The following AGMO variants were observed in gnomAD, a reference collection of about 807,000 sequenced individuals.
AGMO encodes alkylglycerol monooxygenase, also known as glyceryl-ether monooxygenase.
Under a neutral mutation model 60.2 loss-of-function variants are expected in AGMO, and 75 were observed. That is an observed-to-expected ratio of 1.25 (90% CI 1.03 to 1.51). The LOEUF (loss-of-function observed/expected upper bound fraction) is 1.51. AGMO is among the 40% of genes most tolerant of loss of function. AGMO has a pLI of 0.00. For missense variants in AGMO, 763 were observed against 525.5 expected, an observed-to-expected ratio of 1.45 and a Z score of -4.42; for synonymous variants, 261 against 177.1, an observed-to-expected ratio of 1.47 and a Z score of -3.76.
intron 1 of AGMO, among the ~76,000 whole-genome samples, chr7:15,561,462 A>G (rs1475130724): frequency 6.6e-6 from 1 of 152,222 alleles, no homozygotes; most frequent in Non-Finnish European, 1.5e-5. Flanking sequence ...GGAGTCCAGG[A>G]AAACTTTAAA....
the AGMO span, among the ~76,000 whole-genome samples, chr7:15,184,342 G>GA: frequency 2.5e-5 from 2 of 80,042 alleles, no homozygotes; most frequent in Non-Finnish European, 4.7e-5. Flanking sequence ...AGGAAGGAAG[G>GA]AAAGAAGGGA....
At chr7:15,117,979 G>A in the AGMO span, among the ~76,000 whole-genome samples, 2 of 151,888 alleles carry the variant, frequency 1.3e-5, no homozygotes, top group Non-Finnish European at 2.9e-5. Context: ...CAATGGCATT[G>A]ATTACAGACA....
chr7:15,320,554 C>A (rs1400758506), intron 12 of AGMO, among the ~76,000 whole-genome samples: 1 of 152,048 alleles, frequency 6.6e-6, no homozygotes, highest in Non-Finnish European at 1.5e-5. Flanking sequence ...CACATGGCAT[C>A]TTCATAATTG....
intron 3 of AGMO, among the ~76,000 whole-genome samples, chr7:15,446,243 T>C (rs774984147): frequency 6.6e-6 from 1 of 152,236 alleles, no homozygotes; most frequent in Non-Finnish European, 1.5e-5. Flanking sequence ...AATCTATTCA[T>C]AGATAACAAG....
intron 12 of AGMO, among the ~76,000 whole-genome samples, chr7:15,241,441 A>C (rs937235156): frequency 8.5e-5 from 12 of 140,570 alleles, no homozygotes; most frequent in African/African-American, 3.2e-4. Flanking sequence ...GCTTGGGCGA[A>C]AGAGTGAGAC....
chr7:15,151,921 T>C, the AGMO span, among the ~76,000 whole-genome samples: 35 of 152,164 alleles, frequency 2.3e-4, no homozygotes, highest in African/African-American at 8.4e-4. Context: ...CTGTGATTCT[T>C]TCTTCAGGTT....
In AGMO at chr7:15,416,028, T is replaced by TTTTC. The variant is rs201410274; in HGVS notation, c.609+2529_609+2530insGAAA. On this transcript the variant is annotated intron_variant, in intron 5 of 12. Coordinates refer to ENST00000342526, the MANE Select transcript of AGMO (RefSeq NM_001004320.2). ...TGTTTGTTTTTCTTTTCTTTTTTTCTTTTTTTTTTTTTTTTTGGAGGTGGG... is the reference window on the plus strand; with the variant it reads ...TGTTTGTTTTTCTTTTCTTTTTTTCTTTTCTTTTTTTTTTTTTTTTGGAGGTGGG... Among the ~76,000 whole-genome samples the TTTTC allele has an allele frequency of 1.1e-4, 14 of 131,192 alleles. 2 individuals carry two copies. The highest frequency in any genetic ancestry group is 7.0e-4 in the South Asian group (3 of 4,302). 86.1% of individuals were successfully genotyped at this position (131,192 alleles called of 152,430 possible).
chr7:15,561,918 G>A lies in AGMO; in HGVS notation c.-73C>T. ...CTTGAAGCCTGAGGCTGAACAAAGA[G>A]GACGAGATGTGCAGCTCAGAACAAG... On this transcript the variant is annotated 5_prime_UTR_variant, in exon 1 of 13. Coordinates refer to ENST00000342526, the MANE Select transcript of AGMO (RefSeq NM_001004320.2). 4.7e-6 allele frequency: 7 copies of A among 1,480,936 alleles called. No homozygotes were observed. The highest frequency in any genetic ancestry group is 2.3e-5 in the East Asian group (1 of 42,854). 91.7% of individuals were successfully genotyped at this position (1,480,936 alleles called of 1,614,324 possible).
chr7:15,180,778 T>G, the AGMO span, among the ~76,000 whole-genome samples: 1 of 152,200 alleles, frequency 6.6e-6, no homozygotes, highest in Non-Finnish European at 1.5e-5. Context: ...TCTGTTTTAG[T>G]TCATTTTCTG....
chr7:15,219,286 T>C (rs1287757897), intron 12 of AGMO, among the ~76,000 whole-genome samples: 1 of 152,202 alleles, frequency 6.6e-6, no homozygotes, highest in Admixed American at 6.5e-5. Flanking sequence ...ACATCTAATA[T>C]AATCTAGACA....
intron 12 of AGMO, among the ~76,000 whole-genome samples, chr7:15,274,464 A>G (rs958708512): frequency 2.0e-5 from 3 of 152,174 alleles, no homozygotes; most frequent in Non-Finnish European, 4.4e-5. Flanking sequence ...CCCAGGGTGA[A>G]GCCCACTTGA....
chr7:15,322,715 A>T (rs111941306), intron 12 of AGMO, among the ~76,000 whole-genome samples: 4 of 47,434 alleles, frequency 8.4e-5, no homozygotes, highest in Non-Finnish European at 1.0e-4. Flanking sequence ...AATATATATA[A>T]ATATATAAAT....
At chr7:15,225,395 G>T (rs904699746) in intron 12 of AGMO, among the ~76,000 whole-genome samples, 1 of 151,738 alleles carries the variant, frequency 6.6e-6, no homozygotes. Context: ...CTATGTCAAA[G>T]ATTACAAATG....
At position 15,505,545 on chromosome 7, in the gene AGMO, G is replaced by A. The variant is rs73679639; in HGVS notation, c.409+39227C>T. ...GTCTGTGTCACTCTCCCTTCGATTCGTTTCCTATTATTAAAATAAACAAAA... is the reference window on the plus strand; with the variant it reads ...GTCTGTGTCACTCTCCCTTCGATTCATTTCCTATTATTAAAATAAACAAAA... On this transcript the variant is annotated intron_variant, in intron 3 of 12. Transcript: ENST00000342526. Among the ~76,000 whole-genome samples, 472 of 151,834 alleles carry A rather than the reference G, an allele frequency of 3.1e-3. 6 individuals carry two copies. Among genetic ancestry groups the A allele is most frequent in the African/African-American group, 0.011 (447 of 41,440 alleles).
intron 12 of AGMO, among the ~76,000 whole-genome samples, chr7:15,286,312 A>G (rs918208507): frequency 2.3e-4 from 35 of 152,160 alleles, no homozygotes; most frequent in Admixed American, 2.6e-4. Context: ...AAGTATTTGC[A>G]AACTATGCAT....
chr7:15,227,422 A>T (rs1782118725), intron 12 of AGMO, among the ~76,000 whole-genome samples: 1 of 151,998 alleles, frequency 6.6e-6, no homozygotes, highest in Non-Finnish European at 1.5e-5. Context: ...TAAACAAACA[A>T]ATATATCAAC....
intron 3 of AGMO, among the ~76,000 whole-genome samples, chr7:15,488,510 T>C (rs528790756): frequency 6.6e-6 from 1 of 152,298 alleles, no homozygotes; most frequent in South Asian, 2.1e-4. Flanking sequence ...TGGCATTGTC[T>C]AGTTAATTAT....
intron 3 of AGMO, among the ~76,000 whole-genome samples, chr7:15,497,507 G>C (rs1016967946): frequency 2.0e-5 from 3 of 151,878 alleles, no homozygotes; most frequent in Non-Finnish European, 4.4e-5. Context: ...CTCCACACTG[G>C]CTTTGAGAAG....
chr7:15,505,893 T>A (rs1783501303), intron 3 of AGMO, among the ~76,000 whole-genome samples: 1 of 152,036 alleles, frequency 6.6e-6, no homozygotes. Context: ...CTTTTTAAAG[T>A]TTAATAGTTT....
Sources: allele counts gnomAD v4.1 joint callset (sites outside exome capture counted in the v4.1 genomes callset), GRCh38; gene constraint gnomAD v4.1.1; transcripts MANE v1.5; gene names NCBI Gene and HGNC (gene_info 2026-07-23, HGNC 2026-07-21).